The following FCHSD2 variants were observed in gnomAD, a reference collection of about 807,000 sequenced individuals.
FCHSD2 encodes the protein FCH and double SH3 domains 2.
Under a neutral mutation model 108.1 loss-of-function variants are expected in FCHSD2, and 38 were observed. That is an observed-to-expected ratio of 0.35 (90% CI 0.27 to 0.46). The LOEUF is 0.46. Among genes scored for constraint, FCHSD2 ranks in the 20% least tolerant of loss-of-function variants. The probability of loss-of-function intolerance (pLI) is 1.00; values close to 1 mark genes in which losing one functional copy is unlikely to be tolerated. For missense variants in FCHSD2, 751 were observed against 897.8 expected, an observed-to-expected ratio of 0.84 and a Z score of 2.09; for synonymous variants, 279 against 314.7, an observed-to-expected ratio of 0.89 and a Z score of 1.20.
intron 8 of FCHSD2, among the ~76,000 whole-genome samples, chr11:72,924,473 G>T (rs1485959823): frequency 1.3e-5 from 2 of 148,538 alleles, no homozygotes; most frequent in Non-Finnish European, 3.0e-5. Context: ...CAGTAGAGAC[G>T]GGGTTTCACC....
intron 8 of FCHSD2, among the ~76,000 whole-genome samples, chr11:72,971,449 C>T (rs1442553213): frequency 6.6e-6 from 1 of 152,060 alleles, no homozygotes; most frequent in African/African-American, 2.4e-5. Flanking sequence ...TCTGCGATTA[C>T]CTAATCACAT....
intron 8 of FCHSD2, among the ~76,000 whole-genome samples, chr11:72,937,602 C>T (rs1160768863): frequency 6.6e-6 from 1 of 152,170 alleles, no homozygotes; most frequent in Non-Finnish European, 1.5e-5. Context: ...CTCGGCCTCC[C>T]AAAGTGCTGG....
intron 3 of FCHSD2, among the ~76,000 whole-genome samples, chr11:73,024,435 TAAA>T (rs777201087): frequency 6.6e-6 from 1 of 152,014 alleles, no homozygotes; most frequent in Non-Finnish European, 1.5e-5. Context: ...TAGGCACAGG[TAAA>T]AAATTCTGAA....
At chr11:73,023,551 G>A (rs879262789) in intron 3 of FCHSD2, among the ~76,000 whole-genome samples, 12 of 152,166 alleles carry the variant, frequency 7.9e-5, no homozygotes, top group Non-Finnish European at 1.6e-4. Flanking sequence ...TAGTGAGGAC[G>A]CAGAGTTACA....
intron 2 of FCHSD2, among the ~76,000 whole-genome samples, chr11:73,129,799 G>T (rs1362934388): frequency 6.6e-6 from 1 of 151,998 alleles, no homozygotes; most frequent in Non-Finnish European, 1.5e-5. Flanking sequence ...AAAAGGGTTG[G>T]GGACCACTGC....
chr11:72,859,168 C>T (rs1861508112), intron 13 of FCHSD2, among the ~76,000 whole-genome samples: 1 of 152,158 alleles, frequency 6.6e-6, no homozygotes, highest in South Asian at 2.1e-4. Flanking sequence ...GTTACCCAGT[C>T]AACCATGATC....
chr11:72,840,121 A>G (rs1591326981), intron 19 of FCHSD2, among the ~76,000 whole-genome samples: 1 of 152,042 alleles, frequency 6.6e-6, no homozygotes, highest in South Asian at 2.1e-4. Flanking sequence ...CCTTTCTGCC[A>G]CCCTCCATCC....
chr11:73,026,267 C>T (rs575845861), intron 3 of FCHSD2, among the ~76,000 whole-genome samples: 130 of 152,194 alleles, frequency 8.5e-4, no homozygotes, highest in African/African-American at 2.9e-3. Context: ...CATAAGCCAC[C>T]GTACCCAGCC....
intron 13 of FCHSD2, among the ~76,000 whole-genome samples, chr11:72,866,023 A>T (rs1398770683): frequency 6.6e-6 from 1 of 152,156 alleles, no homozygotes; most frequent in Non-Finnish European, 1.5e-5. Context: ...TGCTCAGTTC[A>T]AAGTCAGATG....
intron 3 of FCHSD2, among the ~76,000 whole-genome samples, chr11:73,027,833 G>A (rs1162422787): frequency 6.6e-6 from 1 of 152,264 alleles, no homozygotes; most frequent in African/African-American, 2.4e-5. Flanking sequence ...CTCCAGCCGT[G>A]GCTAAAAGGG....
At position 73,041,587 on chromosome 11, in the gene FCHSD2, G is replaced by GT. The variant is rs201357306; in HGVS notation, c.166-25703dup. Among the ~76,000 whole-genome samples, 1,421 of 151,632 alleles carry GT rather than the reference G, an allele frequency of 9.4e-3. 17 individuals carry two copies. The highest frequency in any genetic ancestry group is 0.033 in the African/African-American group (1,349 of 41,146). On this transcript the variant is annotated intron_variant, in intron 3 of 19. Coordinates refer to ENST00000409418, the MANE Select transcript of FCHSD2 (RefSeq NM_014824.3). ...ACTTGTTAATGGGATAATTTATGGA[G>GT]TTTTTTTGTTTGTTTGTTTGCTACT...
intron 3 of FCHSD2, among the ~76,000 whole-genome samples, chr11:73,041,392 TTTG>T (rs1327982526): frequency 1.3e-5 from 2 of 152,166 alleles, no homozygotes; most frequent in Non-Finnish European, 2.9e-5. Context: ...CCAACAGTTT[TTTG>T]TTGTTGTTCT....
At chr11:73,083,032 A>T (rs1362402656) in intron 3 of FCHSD2, among the ~76,000 whole-genome samples, 1 of 152,252 alleles carries the variant, frequency 6.6e-6, no homozygotes, top group African/African-American at 2.4e-5. Context: ...ACTCTTTATC[A>T]ACACAGTCAT....
At chr11:72,883,685 A>C (rs1389020867) in intron 12 of FCHSD2, among the ~76,000 whole-genome samples, 1 of 152,082 alleles carries the variant, frequency 6.6e-6, no homozygotes, top group Non-Finnish European at 1.5e-5. Context: ...TAATCCCAGC[A>C]CTCTGGGCGG....
chr11:72,891,103 A>T (rs1855305520), intron 10 of FCHSD2, among the ~76,000 whole-genome samples: 1 of 151,438 alleles, frequency 6.6e-6, no homozygotes, highest in Non-Finnish European at 1.5e-5. Context: ...TTCCTTCTAG[A>T]GATAAGGTCT....
rs749518810 is a variant in FCHSD2, at chr11:72,841,560, G to A, written c.1950C>T (p.His650=). 1.4e-5 allele frequency: 23 copies of A among 1,609,254 alleles called. No homozygotes were observed. The highest frequency in any genetic ancestry group is 2.2e-5 in the East Asian group (1 of 44,810). The part of the protein sequence containing the change: ...EIQISPSPKP[H]ASLPPLPLYD... The stretch of plus-strand genomic sequence containing the variant: ...ACAACGGCAGTGGAGGCAGGGAGGC[G>A]TGTGGCTTGGGGGAAGGAGAGATCT... Residue 650 remains histidine, a synonymous_variant, in exon 18 of 20, where the codon CAC becomes CAT. Coordinates refer to ENST00000409418, the MANE Select transcript of FCHSD2 (RefSeq NM_014824.3).
rs577306022 is a variant in FCHSD2 at position 73,035,166 on chromosome 11, G to T, written c.166-19281C>A. On this transcript the variant is annotated intron_variant, in intron 3 of 19. Transcript: ENST00000409418. ...TTTTTATTTTTATGTATGTATGTATGTATGTATGTATGTATGTATGTATGT... is the reference window on the plus strand; with the variant it reads ...TTTTTATTTTTATGTATGTATGTATTTATGTATGTATGTATGTATGTATGT... Among the ~76,000 whole-genome samples, 26 of 119,426 alleles carry T rather than the reference G, an allele frequency of 2.2e-4. No individual in the cohort carries two copies. The South Asian group carries it at 7.1e-3, about 33-fold the overall frequency. The allele number at this position is 119,426 out of a possible 152,430, so 78.3% of individuals were successfully genotyped here.
chr11:72,855,418 G>A (rs900475435), intron 13 of FCHSD2, among the ~76,000 whole-genome samples: 2 of 152,172 alleles, frequency 1.3e-5, no homozygotes, highest in African/African-American at 4.8e-5. Context: ...GGAGGTTGCA[G>A]TGAGCCAAGA....
At chr11:72,905,602 C>T (rs190596897) in intron 9 of FCHSD2, among the ~76,000 whole-genome samples, 119 of 152,100 alleles carry the variant, frequency 7.8e-4, no homozygotes, top group Non-Finnish European at 1.4e-3. Flanking sequence ...CCCCACCCCC[C>T]GACAGGTCCC....
Sources: gnomAD v4.1 joint callset for allele counts (sites outside exome capture counted in the v4.1 genomes callset) on GRCh38, gnomAD v4.1.1 for gene constraint, MANE v1.5 for transcripts, NCBI Gene and HGNC (gene_info 2026-07-23, HGNC 2026-07-21) for gene names.